The following ADAM12 variants were observed in gnomAD, a reference collection of about 807,000 sequenced individuals.
ADAM12 encodes disintegrin and metalloproteinase domain-containing protein 12.
A neutral mutation model predicts 106.4 loss-of-function variants in ADAM12; 70 were observed. The observed-to-expected ratio is 0.66, with a 90% CI of 0.54 to 0.80. ADAM12 has a LOEUF of 0.80. Ranked by LOEUF, ADAM12 falls within the 30% of genes least tolerant of loss-of-function variation. The probability of loss-of-function intolerance (pLI) is 0.00; values close to 1 mark genes in which losing one functional copy is unlikely to be tolerated. For missense variants in ADAM12, 1,010 were observed against 1,171.9 expected (o/e 0.86, Z 2.02); for synonymous variants, 420 against 433.5 (o/e 0.97, Z 0.39).
intron 9 of ADAM12, among the ~76,000 whole-genome samples, chr10:126,099,104 G>A (rs569099096): frequency 3.8e-4 from 58 of 152,278 alleles, no homozygotes; most frequent in African/African-American, 1.3e-3. Context: ...CAATGCAGTC[G>A]TCCTTCTATC....
intron 3 of ADAM12, among the ~76,000 whole-genome samples, chr10:126,187,326 T>TAAAA (rs10638442): frequency 0.063 from 9,425 of 148,510 alleles, 944 homozygotes; most frequent in African/African-American, 0.21. Context: ...GGAAATGAAA[T>TAAAA]AAAAAAAAAA....
rs1953980481 is a variant in ADAM12, at chr10:126,032,004, T to G, written c.2529+4142A>C. On this transcript the variant is annotated intron_variant, in intron 21 of 22. Coordinates refer to ENST00000448723, the MANE Select transcript of ADAM12 (RefSeq NM_001288973.2). ...AAGGAAGTGGTACATTGCAAAGGTA[T>G]GTTTGTGGACAAGAGGGTACATTCA... 2.6e-5 allele frequency among the ~76,000 whole-genome samples: 4 copies of G among 152,226 alleles called. No individual in the cohort carries two copies. In the South Asian group the frequency reaches 8.3e-4, roughly 31 times the overall value.
At chr10:126,250,765 G>A (rs1958730624) in intron 3 of ADAM12, among the ~76,000 whole-genome samples, 1 of 152,190 alleles carries the variant, frequency 6.6e-6, no homozygotes. Context: ...GAAAGATTTT[G>A]CAAGCCTCTA....
At position 126,379,372 on chromosome 10, in the gene ADAM12, T is replaced by A. The variant is rs372594167; in HGVS notation, c.88+8686A>T. Among the ~76,000 whole-genome samples the A allele has an allele frequency of 7.2e-5, 11 of 152,236 alleles. No individual in the cohort carries two copies. The South Asian group carries it at 1.2e-3, about 17-fold the overall frequency. ...AATACTATGCAGCCATGAAAAAGGA[T>A]GAGTTCATGTCCTTTGCAGGGACAT... On this transcript the variant is annotated intron_variant, in intron 1 of 22. Transcript: ENST00000448723.
chr10:126,020,948 G>A (rs943766331), intron 21 of ADAM12, among the ~76,000 whole-genome samples: 4 of 140,968 alleles, frequency 2.8e-5, no homozygotes, highest in Non-Finnish European at 4.5e-5. Context: ...AGCTGAGATC[G>A]TGCCACTGCA....
intron 3 of ADAM12, among the ~76,000 whole-genome samples, chr10:126,155,831 A>T (rs1022218957): frequency 6.6e-6 from 1 of 152,212 alleles, no homozygotes; most frequent in Admixed American, 6.5e-5. Context: ...ACAGAAGAGA[A>T]TAGAACAGCA....
intron 19 of ADAM12, among the ~76,000 whole-genome samples, chr10:126,038,929 G>A (rs924215855): frequency 1.2e-4 from 16 of 138,626 alleles, no homozygotes; most frequent in African/African-American, 4.3e-4. Flanking sequence ...GCAGTTTGCT[G>A]TACATTTTCT....
chr10:126,357,891 C>T (rs1855596839), intron 1 of ADAM12, among the ~76,000 whole-genome samples: 1 of 152,154 alleles, frequency 6.6e-6, no homozygotes, highest in African/African-American at 2.4e-5. Flanking sequence ...GCTATATTAG[C>T]TTCACTGCTG....
intron 8 of ADAM12, among the ~76,000 whole-genome samples, chr10:126,107,957 G>A (rs1173790905): frequency 2.0e-5 from 3 of 152,168 alleles, no homozygotes; most frequent in Admixed American, 2.0e-4. Flanking sequence ...TTGCCGGCCC[G>A]CAGTGTGAGG....
chr10:126,298,837 T>C (rs1225952761), intron 2 of ADAM12, among the ~76,000 whole-genome samples: 2 of 152,166 alleles, frequency 1.3e-5, no homozygotes, highest in African/African-American at 4.8e-5. Context: ...GAATATACTA[T>C]ATGGTTCAAA....
At chr10:126,169,315 CG>C (rs1227437409) in intron 3 of ADAM12, among the ~76,000 whole-genome samples, 3 of 152,214 alleles carry the variant, frequency 2.0e-5, no homozygotes, top group African/African-American at 7.2e-5. Context: ...TCGCTGCTCT[CG>C]CAAGGTTCTG....
rs551902759 is a variant in ADAM12, at chr10:126,298,773, C to T, written c.187-19785G>A. Among the ~76,000 whole-genome samples the T allele has an allele frequency of 6.2e-4, 94 of 151,898 alleles. 1 individual carries two copies. Among genetic ancestry groups the T allele is most frequent in the African/African-American group, 2.1e-3 (87 of 41,432 alleles). ...AACAGAGACAAAGAAAAGAAAGATG[C>T]GGTATATTAAAAAGAGCAATAATAA... On this transcript the variant is annotated intron_variant, in intron 2 of 22. Transcript: ENST00000448723.
intron 2 of ADAM12, among the ~76,000 whole-genome samples, chr10:126,318,690 C>G (rs1004575617): frequency 1.3e-5 from 2 of 152,024 alleles, no homozygotes; most frequent in African/African-American, 2.4e-5. Flanking sequence ...ACAATTTGAA[C>G]AATAAAATAA....
chr10:126,267,748 G>A (rs969707953), intron 3 of ADAM12, among the ~76,000 whole-genome samples: 2 of 151,532 alleles, frequency 1.3e-5, no homozygotes, highest in African/African-American at 2.4e-5. Flanking sequence ...GTCAGAGAAG[G>A]TATTGGGGAC....
intron 14 of ADAM12, among the ~76,000 whole-genome samples, chr10:126,062,345 G>A (rs1392973376): frequency 6.6e-6 from 1 of 152,134 alleles, no homozygotes; most frequent in Non-Finnish European, 1.5e-5. Flanking sequence ...GAGTGGGTGG[G>A]AGAGAGTAGA....
intron 3 of ADAM12, among the ~76,000 whole-genome samples, chr10:126,188,028 A>T (rs1441958844): frequency 2.6e-5 from 4 of 152,178 alleles, no homozygotes; most frequent in Admixed American, 2.6e-4. Flanking sequence ...GCAGGTTCCC[A>T]GGAGAGGCCA....
chr10:126,046,304 C>T (rs1344395817), intron 16 of ADAM12, among the ~76,000 whole-genome samples, 172 bp from the exon 17 acceptor site: 1 of 152,162 alleles, frequency 6.6e-6, no homozygotes, highest in Non-Finnish European at 1.5e-5. Flanking sequence ...TGGACTCAGG[C>T]ATGGATCTTA....
chr10:126,025,854 A>G (rs953391084), intron 21 of ADAM12, among the ~76,000 whole-genome samples: 3 of 152,196 alleles, frequency 2.0e-5, no homozygotes, highest in Non-Finnish European at 4.4e-5. Flanking sequence ...ACACATAATC[A>G]TCAGATTTTC....
intron 12 of ADAM12, chr10:126,067,037 T>A (rs747707664): frequency 7.6e-5 from 38 of 500,454 alleles, no homozygotes; most frequent in Non-Finnish European, 1.1e-5. Context: ...AGTGCCCTCA[T>A]GAAAGGTAAA....
Sources: allele counts gnomAD v4.1 joint callset (sites outside exome capture counted in the v4.1 genomes callset), GRCh38; gene constraint gnomAD v4.1.1; transcripts MANE v1.5; gene names NCBI Gene and HGNC (gene_info 2026-07-23, HGNC 2026-07-21).